Variants in DCC observed in about 807,000 individuals in gnomAD.
The protein encoded by DCC is DCC netrin 1 receptor.
Under a neutral mutation model 172.5 loss-of-function variants are expected in DCC, and 58 were observed. The ratio of observed to expected loss-of-function variants is 0.34; its 90% CI spans 0.27 to 0.42. The LOEUF (loss-of-function observed/expected upper bound fraction) is 0.42, where lower values mean the gene tolerates loss of function less well. Ranked by LOEUF, DCC falls within the 10% of genes least tolerant of loss-of-function variation. The pLI, the probability that DCC is intolerant of heterozygous loss-of-function variation, is 1.00. For missense variants in DCC, 1,740 were observed against 1,791.0 expected (o/e 0.97, Z 0.51); for synonymous variants, 709 against 644.5 (o/e 1.10, Z -1.52).
intron 1 of DCC, among the ~76,000 whole-genome samples, chr18:52,522,445 C>CA (rs1303579801): frequency 6.6e-6 from 1 of 152,156 alleles, no homozygotes; most frequent in Non-Finnish European, 1.5e-5. Flanking sequence ...CCAGAACTAA[C>CA]AACACTCTCC....
intron 1 of DCC, among the ~76,000 whole-genome samples, chr18:52,693,118 A>T (rs1276999296): frequency 6.6e-6 from 1 of 151,972 alleles, no homozygotes; most frequent in Non-Finnish European, 1.5e-5. Context: ...GGGAAGTTAC[A>T]GATAACTACA....
At chr18:52,536,224 T>C (rs890138526) in intron 1 of DCC, among the ~76,000 whole-genome samples, 1 of 151,836 alleles carries the variant, frequency 6.6e-6, no homozygotes, top group African/African-American at 2.4e-5. Flanking sequence ...TTGTAAAAGG[T>C]CTCATATACC....
intron 5 of DCC, among the ~76,000 whole-genome samples, chr18:53,054,778 C>G (rs1311629882): frequency 3.9e-5 from 6 of 152,114 alleles, no homozygotes; most frequent in Non-Finnish European, 7.4e-5. Context: ...ACAGCACATA[C>G]AGCTGAATTT....
Position 53,453,040 on chromosome 18 carries a change from C to T in DCC, c.3392+2378C>T, listed in dbSNP as rs936217961. Among the ~76,000 whole-genome samples, 12 of 151,948 alleles carry T rather than the reference C, an allele frequency of 7.9e-5. No homozygotes were observed. The East Asian group carries it at 9.7e-4, about 12-fold the overall frequency. On this transcript the variant is annotated intron_variant, in intron 23 of 28. Coordinates refer to ENST00000442544, the MANE Select transcript of DCC (RefSeq NM_005215.4). ...ATGCCATTCTCCTGCCTCAGCCTCC[C>T]GAGTAGCTGGGACTACAGGTGCCCG...
chr18:52,466,238 T>C (rs1194806030), intron 1 of DCC, among the ~76,000 whole-genome samples: 7 of 152,140 alleles, frequency 4.6e-5, no homozygotes, highest in African/African-American at 1.7e-4. Flanking sequence ...CAAAAAGGGA[T>C]ATGCGGCAGG....
intron 1 of DCC, among the ~76,000 whole-genome samples, chr18:52,576,227 G>A (rs1041582449): frequency 3.3e-5 from 5 of 152,200 alleles, no homozygotes; most frequent in African/African-American, 1.2e-4. Context: ...GAAATGGCAA[G>A]TGCATAGATG....
intron 1 of DCC, among the ~76,000 whole-genome samples, chr18:52,701,452 T>C (rs1311560022): frequency 6.6e-6 from 1 of 152,174 alleles, no homozygotes; most frequent in Non-Finnish European, 1.5e-5. Context: ...CCATAGACAG[T>C]ATAATAAAAA....
chr18:53,143,944 A>G (rs1392787917), intron 7 of DCC, among the ~76,000 whole-genome samples: 3 of 152,236 alleles, frequency 2.0e-5, no homozygotes, highest in Admixed American at 6.5e-5. Context: ...TTATGTTGAC[A>G]TTTATTATAC....
At chr18:53,056,437 A>G (rs919695334) in intron 5 of DCC, among the ~76,000 whole-genome samples, 3 of 152,130 alleles carry the variant, frequency 2.0e-5, no homozygotes, top group Non-Finnish European at 4.4e-5. Flanking sequence ...CCTGCATTCA[A>G]TGCCAGATGG....
chr18:53,424,230 T>G (rs1046041949), intron 21 of DCC, among the ~76,000 whole-genome samples: 1 of 152,110 alleles, frequency 6.6e-6, no homozygotes, highest in Non-Finnish European at 1.5e-5. Flanking sequence ...GAATTCTGAG[T>G]ACAGAAAGGA....
intron 1 of DCC, among the ~76,000 whole-genome samples, chr18:52,416,028 C>T (rs1360350603): frequency 1.3e-5 from 2 of 151,982 alleles, no homozygotes; most frequent in Non-Finnish European, 2.9e-5. Context: ...AAATTTCCCT[C>T]TACACACTGC....
At position 53,114,039 on chromosome 18, in the gene DCC, G is replaced by T. The variant is rs1045343495; in HGVS notation, c.1262-43317G>T. Among the ~76,000 whole-genome samples, 13 of 151,444 alleles carry T rather than the reference G, an allele frequency of 8.6e-5. 1 individual carries two copies. The highest frequency in any genetic ancestry group is 8.6e-4 in the Admixed American group (13 of 15,160). On this transcript the variant is annotated intron_variant, in intron 7 of 28. Coordinates refer to ENST00000442544, the MANE Select transcript of DCC (RefSeq NM_005215.4). ...TGAAGATTTAAATTGTGAACATGAA[G>T]ATAGACTATAAATTACTGATTGAAA... is the stretch of plus-strand genomic sequence containing the variant.
At chr18:52,775,459 A>G (rs551844098) in intron 2 of DCC, among the ~76,000 whole-genome samples, 193 of 152,302 alleles carry the variant, frequency 1.3e-3, no homozygotes, top group African/African-American at 4.3e-3. Flanking sequence ...GTACTGGAAT[A>G]ATCAGATCAC....
chr18:53,383,685 T>A (rs756504314), intron 15 of DCC, among the ~76,000 whole-genome samples: 4 of 151,414 alleles, frequency 2.6e-5, no homozygotes, highest in Non-Finnish European at 4.4e-5. Context: ...TTTCCAGACA[T>A]TTTTTAGCAG....
At chr18:52,859,253 T>A (rs2039098017) in intron 2 of DCC, among the ~76,000 whole-genome samples, 1 of 152,198 alleles carries the variant, frequency 6.6e-6, no homozygotes, top group Non-Finnish European at 1.5e-5. Flanking sequence ...ATCTGATGCT[T>A]TGTTGAGGAC....
chr18:52,710,734 G>A (rs2036279664), intron 1 of DCC, among the ~76,000 whole-genome samples: 1 of 152,174 alleles, frequency 6.6e-6, no homozygotes, highest in Admixed American at 6.5e-5. Context: ...AATCCCAAAG[G>A]GAATTTTTGT....
At chr18:53,050,048 G>A (rs767577490) in intron 5 of DCC, among the ~76,000 whole-genome samples, 3 of 149,492 alleles carry the variant, frequency 2.0e-5, no homozygotes, top group Non-Finnish European at 2.9e-5. Context: ...GTTCAAGAGT[G>A]AAAAAGCTGA....
At chr18:52,646,069 T>C (rs944263778) in intron 1 of DCC, among the ~76,000 whole-genome samples, 1 of 152,206 alleles carries the variant, frequency 6.6e-6, no homozygotes, top group Non-Finnish European at 1.5e-5. Context: ...AGGGGTTAGA[T>C]TCAGACAGCT....
At chr18:53,226,708 C>T (rs947660000) in intron 12 of DCC, among the ~76,000 whole-genome samples, 3 of 151,368 alleles carry the variant, frequency 2.0e-5, no homozygotes, top group African/African-American at 7.3e-5. Context: ...ACAAACAAAA[C>T]AAAAAACAAA....
Sources: gnomAD v4.1 joint callset for allele counts (sites outside exome capture counted in the v4.1 genomes callset) on GRCh38, gnomAD v4.1.1 for gene constraint, MANE v1.5 for transcripts, NCBI Gene and HGNC (gene_info 2026-07-23, HGNC 2026-07-21) for gene names.